PRRC2B: variants seen among roughly 807,000 people sequenced by gnomAD.
PRRC2B encodes the protein protein PRRC2B.
Under a neutral mutation model 242.3 loss-of-function variants are expected in PRRC2B, and 68 were observed. That is an observed-to-expected ratio of 0.28 (90% CI 0.23 to 0.34). PRRC2B has a LOEUF of 0.34. PRRC2B is among the 10% of genes least tolerant of loss of function. The probability of loss-of-function intolerance (pLI) is 1.00; values close to 1 mark genes in which losing one functional copy is unlikely to be tolerated. For missense variants in PRRC2B, 2,835 were observed against 2,954.8 expected (o/e 0.96, Z 0.94); for synonymous variants, 1,228 against 1,173.6 (o/e 1.05, Z -0.95).
At chr9:131,387,887 G>A (rs1836845378) in intron 1 of PRRC2B, among the ~76,000 whole-genome samples, 1 of 150,654 alleles carries the variant, frequency 6.6e-6, no homozygotes, top group South Asian at 2.1e-4. Flanking sequence ...TGATATAGTA[G>A]GCTAAATAAA....
Position 131,459,314 on chromosome 9 carries a change from G to A in PRRC2B, c.1362G>A (p.Pro454=), listed in dbSNP as rs565217318. 5.6e-6 allele frequency: 9 copies of A among 1,613,842 alleles called. No homozygotes were observed. In the South Asian group the frequency reaches 7.7e-5, roughly 14 times the overall value. ...VVRKAPDPQP[P]PRKLHGWAPG... The stretch of plus-strand genomic sequence containing the variant: ...GAAAGGCGCCAGACCCTCAGCCACC[G>A]CCCAGGAAGCTTCATGGCTGGGCAC... The change falls in exon 11 of 32, where the codon CCG becomes CCA. Residue 454 remains proline, a synonymous_variant. Coordinates refer to ENST00000683519, the MANE Select transcript of PRRC2B (RefSeq NM_013318.4).
chr9:131,424,665 G>C (rs998506155), intron 1 of PRRC2B, among the ~76,000 whole-genome samples: 2 of 152,118 alleles, frequency 1.3e-5, no homozygotes, highest in African/African-American at 4.8e-5. Context: ...CAGCCCGGGC[G>C]ACAGTGTGAG....
intron 10 of PRRC2B, among the ~76,000 whole-genome samples, chr9:131,457,105 C>T (rs1262028323): frequency 6.6e-6 from 1 of 152,130 alleles, no homozygotes; most frequent in South Asian, 2.1e-4. Context: ...AAGTAAGTGC[C>T]CATCTTCTGG....
intron 19 of PRRC2B, among the ~76,000 whole-genome samples, chr9:131,479,752 C>CA (rs1452280843): frequency 6.6e-6 from 1 of 152,142 alleles, no homozygotes; most frequent in Non-Finnish European, 1.5e-5. Context: ...AAGCAAATGA[C>CA]AGATAGACCA....
intron 1 of PRRC2B, among the ~76,000 whole-genome samples, chr9:131,374,614 CGCCTGGGT>C (rs1836660636): frequency 2.0e-5 from 3 of 151,996 alleles, no homozygotes; most frequent in African/African-American, 7.2e-5. Context: ...CAACCTCTGC[CGCCTGGGT>C]TCAAGTGATT....
intron 28 of PRRC2B, chr9:131,490,652 C>T: frequency 1.9e-6 from 1 of 516,358 alleles, no homozygotes; most frequent in Admixed American, 1.9e-5. Flanking sequence ...CCTCGCATAT[C>T]TTGTTCTAGT....
upstream of PRRC2B, among the ~76,000 whole-genome samples, chr9:131,393,120 C>T (rs1415982617): frequency 1.3e-5 from 2 of 152,046 alleles, no homozygotes; most frequent in Non-Finnish European, 2.9e-5. Flanking sequence ...AGCAGTGTGG[C>T]CTGGGGCACA....
Position 131,486,098 on chromosome 9 carries a change from G to A in PRRC2B, c.5772G>A (p.Pro1924=), listed in dbSNP as rs199984688. 1.6e-4 allele frequency: 252 copies of A among 1,612,104 alleles called. 6 individuals carry two copies. In the African/African-American group the frequency reaches 1.9e-3, roughly 12 times the overall value. Residue 1924 remains proline, a synonymous_variant, in exon 26 of 32, where the codon CCG becomes CCA. Transcript: ENST00000683519. ...PSASMPGSHL[P]PLYLDGHVFA... The stretch of plus-strand genomic sequence containing the variant: ...CTCTGTTTCCAGGCAGCCACCTCCC[G>A]CCCCTGTACCTGGATGGCCATGTGT...
At chr9:131,468,621 T>G (rs946286745) in intron 13 of PRRC2B, among the ~76,000 whole-genome samples, 1 of 152,118 alleles carries the variant, frequency 6.6e-6, no homozygotes, top group Non-Finnish European at 1.5e-5. Context: ...TAGTCAATAC[T>G]AAGGAATAGT....
At chr9:131,403,983 G>A (rs961942328) in intron 1 of PRRC2B, among the ~76,000 whole-genome samples, 5 of 151,612 alleles carry the variant, frequency 3.3e-5, no homozygotes, top group African/African-American at 1.2e-4. Flanking sequence ...GTCTCGCTAT[G>A]TTGACCAAGC....
intron 1 of PRRC2B, among the ~76,000 whole-genome samples, chr9:131,403,561 C>T (rs1837280490): frequency 6.6e-6 from 1 of 151,052 alleles, no homozygotes; most frequent in African/African-American, 2.4e-5. Flanking sequence ...CGCCTTGTTG[C>T]CCAGGCTGGT....
chr9:131,466,517 C>T (rs117602131), intron 12 of PRRC2B, among the ~76,000 whole-genome samples: 226 of 152,106 alleles, frequency 1.5e-3, no homozygotes, highest in Non-Finnish European at 2.9e-3. Context: ...TCCTTTATAT[C>T]CTTGCCAGCA....
intron 1 of PRRC2B, among the ~76,000 whole-genome samples, chr9:131,420,501 T>TTCTTTCTTTCTTTCTTTCTTTCTTTC (rs1588242598): frequency 1.1e-4 from 2 of 19,022 alleles, no homozygotes; most frequent in Non-Finnish European, 2.5e-4. Flanking sequence ...TTCTTTTTTT[T>TTCTTTCTTTCTTTCTTTCTTTCTTTC]TTTTTTTTTG....
At chr9:131,463,558 C>T (rs2131420643) in intron 11 of PRRC2B, among the ~76,000 whole-genome samples, 1 of 151,928 alleles carries the variant, frequency 6.6e-6, no homozygotes, top group East Asian at 1.9e-4. Flanking sequence ...AGAAAGGGTC[C>T]CAGTAACTGG....
intron 11 of PRRC2B, among the ~76,000 whole-genome samples, chr9:131,463,465 C>T (rs1331322349): frequency 6.6e-6 from 1 of 152,078 alleles, no homozygotes; most frequent in African/African-American, 2.4e-5. Context: ...ATTAGAATTT[C>T]AGTGGCCAGA....
At chr9:131,397,957 G>C (rs1194521217) in intron 1 of PRRC2B, among the ~76,000 whole-genome samples, 1 of 152,172 alleles carries the variant, frequency 6.6e-6, no homozygotes. Flanking sequence ...CTTCTTTTCA[G>C]ATCATAACTT....
At chr9:131,396,827 G>C (rs943117888) in intron 1 of PRRC2B, among the ~76,000 whole-genome samples, 2 of 152,134 alleles carry the variant, frequency 1.3e-5, no homozygotes, top group South Asian at 4.1e-4. Flanking sequence ...AAGGACTATT[G>C]CTAAGAAGCA....
chr9:131,475,815 G>A lies in PRRC2B; in HGVS notation c.3686G>A (p.Ser1229Asn). 1 of 1,612,752 alleles carries A rather than the reference G, an allele frequency of 6.2e-7. No homozygotes were observed. The highest frequency in any genetic ancestry group is 8.5e-7 in the Non-Finnish European group (1 of 1,178,898). The stretch of plus-strand genomic sequence containing the variant: ...TCCAAAGAGTCACCCCACTGGCAGA[G>A]CAAAAGTCCAGGCAGCTCTTGGCAG... ...FVSKESPHWQ[S>N]KSPGSSWQEY... The change falls in exon 16 of 32, where the codon AGC becomes AAC. Residue 1229 changes from serine to asparagine, a missense_variant. Transcript: ENST00000683519.
chr9:131,426,880 A>G (rs1837990565), intron 1 of PRRC2B, among the ~76,000 whole-genome samples: 1 of 152,240 alleles, frequency 6.6e-6, no homozygotes, highest in African/African-American at 2.4e-5. Context: ...ATGCTCCTGC[A>G]CATTTGCAAA....
Sources: allele counts gnomAD v4.1 joint callset (sites outside exome capture counted in the v4.1 genomes callset), GRCh38; gene constraint gnomAD v4.1.1; transcripts MANE v1.5; gene names NCBI Gene and HGNC (gene_info 2026-07-23, HGNC 2026-07-21).